Variants in GDPD4 observed in about 807,000 individuals in gnomAD.
The protein encoded by GDPD4 is glycerophosphodiester phosphodiesterase 6.
In GDPD4, 60 loss-of-function variants were observed where a neutral mutation model predicts 67.8. The observed-to-expected ratio is 0.88, with a 90% CI of 0.72 to 1.10. The LOEUF is 1.10. Ranked by LOEUF, GDPD4 falls within the 50% of genes least tolerant of loss-of-function variation. GDPD4 has a pLI of 0.00. For missense variants in GDPD4, 623 were observed against 613.9 expected (o/e 1.01, Z -0.16); for synonymous variants, 212 against 210.9 (o/e 1.00, Z -0.04).
chr11:77,230,168 C>T (rs940416768), intron 14 of GDPD4, among the ~76,000 whole-genome samples: 2 of 152,156 alleles, frequency 1.3e-5, no homozygotes. Flanking sequence ...AACTGAGGCT[C>T]TTAATCCCCT....
chr11:77,244,118 C>A (rs1958732095), intron 12 of GDPD4, among the ~76,000 whole-genome samples: 2 of 152,176 alleles, frequency 1.3e-5, no homozygotes, highest in South Asian at 2.1e-4. Context: ...CGGGTTCATA[C>A]CATTCTCCTG....
At chr11:77,296,926 C>T (rs996477936) in intron 1 of GDPD4, among the ~76,000 whole-genome samples, 14 of 151,064 alleles carry the variant, frequency 9.3e-5, no homozygotes, top group Admixed American at 9.2e-4. Context: ...TGGTGGTGTG[C>T]GCCTGTAGTC....
intron 10 of GDPD4, among the ~76,000 whole-genome samples, chr11:77,262,779 T>C (rs1959143647): frequency 7.4e-6 from 1 of 135,944 alleles, no homozygotes; most frequent in South Asian, 2.4e-4. Context: ...AGCCCCAAAC[T>C]CCTCAGGGAG....
At chr11:77,279,234 C>G (rs1959639423) in intron 4 of GDPD4, 72 bp downstream of exon 4, 3 of 942,724 alleles carry the variant, frequency 3.2e-6, no homozygotes, top group East Asian at 2.4e-5. Context: ...CAACTGGATA[C>G]TATACCACAG....
intron 10 of GDPD4, among the ~76,000 whole-genome samples, chr11:77,260,051 T>G (rs1423297690): frequency 6.6e-6 from 1 of 152,112 alleles, no homozygotes; most frequent in African/African-American, 2.4e-5. Context: ...CCAGGCGCGG[T>G]GGCTCACGCC....
intron 14 of GDPD4, among the ~76,000 whole-genome samples, chr11:77,229,890 T>G (rs1257315099): frequency 6.6e-6 from 1 of 152,202 alleles, no homozygotes; most frequent in Admixed American, 6.5e-5. Flanking sequence ...TCATTGAGTT[T>G]GATGCTCCCT....
In GDPD4 at chr11:77,245,379, A is replaced by G. The variant is rs1384479961; in HGVS notation, c.988T>C (p.Phe330Leu). The G allele has an allele frequency of 6.2e-7, 1 of 1,614,200 alleles. No individual in the cohort carries two copies. Among genetic ancestry groups the G allele is most frequent in the Admixed American group, 1.7e-5 (1 of 60,024 alleles). ...LAEKERKFVI[F>L]DLHRPPPKHP... ...TTTGGTGGAGGGCGATGAAGATCAA[A>G]TATCACAAATTTTCTTTCCTTCTCT... The change falls in exon 12 of 17, where the codon TTT (phenylalanine) becomes CTT (leucine). Residue 330 changes from phenylalanine to leucine, a missense_variant. By Grantham distance (22) the Phe-to-Leu change is conservative. Coordinates refer to ENST00000315938, the MANE Select transcript of GDPD4 (RefSeq NM_182833.3).
At chr11:77,263,356 CAT>C (rs1179625833) in intron 10 of GDPD4, among the ~76,000 whole-genome samples, 1 of 151,988 alleles carries the variant, frequency 6.6e-6, no homozygotes, top group African/African-American at 2.4e-5. Flanking sequence ...TGATAAAAGA[CAT>C]ATGCTTTACA....
intron 1 of GDPD4, among the ~76,000 whole-genome samples, chr11:77,299,805 G>A (rs929564712): frequency 6.6e-6 from 1 of 152,184 alleles, no homozygotes; most frequent in Non-Finnish European, 1.5e-5. Flanking sequence ...GTTGGTCACA[G>A]TAAAGTTACA....
At chr11:77,276,130 A>G in intron 5 of GDPD4, 31 bp downstream of exon 5, 2 of 1,562,408 alleles carry the variant, frequency 1.3e-6, no homozygotes, top group East Asian at 4.5e-5. Context: ...GTCCTGGTCT[A>G]AGGTTTCCTA....
chr11:77,230,178 T>C (rs1261643028), intron 14 of GDPD4, among the ~76,000 whole-genome samples: 1 of 152,110 alleles, frequency 6.6e-6, no homozygotes, highest in East Asian at 1.9e-4. Flanking sequence ...CTTAATCCCC[T>C]CTGGGAAAAA....
At chr11:77,301,252 TA>T (rs1328049593) in intron 1 of GDPD4, among the ~76,000 whole-genome samples, 2 of 152,220 alleles carry the variant, frequency 1.3e-5, no homozygotes, top group East Asian at 3.9e-4. Flanking sequence ...TTTTTCCCTC[TA>T]AAATCGATTC....
At position 77,245,280 on chromosome 11, in the gene GDPD4, C is replaced by T; in HGVS notation, c.1086+1G>A. On this transcript the variant is annotated splice_donor_variant, in intron 12 of 16. Coordinates refer to ENST00000315938, the MANE Select transcript of GDPD4 (RefSeq NM_182833.3). LOFTEE classifies it high-confidence loss of function. ...TGTCATAAATACTGAGATAGACTTA[C>T]CAGATGTTGCTCGATTTTAGAGGCA... 8.1e-6 allele frequency: 13 copies of T among 1,612,104 alleles called. No homozygotes were observed. Among genetic ancestry groups the T allele is most frequent in the Non-Finnish European group, 1.1e-5 (13 of 1,178,160 alleles).
chr11:77,241,431 G>A (rs1958662117), intron 13 of GDPD4, among the ~76,000 whole-genome samples: 1 of 152,010 alleles, frequency 6.6e-6, no homozygotes, highest in Non-Finnish European at 1.5e-5. Context: ...AGCACTTTGG[G>A]AGGTGGAGGT....
At chr11:77,245,968 CT>C (rs1443448872) in intron 11 of GDPD4, among the ~76,000 whole-genome samples, 2 of 152,194 alleles carry the variant, frequency 1.3e-5, no homozygotes. Context: ...TGCTATTTCC[CT>C]CATGAAGCTT....
chr11:77,217,564 CAG>C (rs1431428415), intron 16 of GDPD4, among the ~76,000 whole-genome samples: 14 of 152,192 alleles, frequency 9.2e-5, no homozygotes, highest in African/African-American at 3.1e-4. Context: ...CCTCAGAAAG[CAG>C]AGACTGACAT....
At chr11:77,275,972 A>C (rs1389748505) in intron 5 of GDPD4, among the ~76,000 whole-genome samples, 189 bp downstream of exon 5, 2 of 152,216 alleles carry the variant, frequency 1.3e-5, no homozygotes, top group Admixed American at 6.5e-5. Flanking sequence ...CTCCCTCCAT[A>C]AATCAGTTGC....
chr11:77,229,758 G>C (rs567664967), intron 14 of GDPD4, among the ~76,000 whole-genome samples: 33 of 152,320 alleles, frequency 2.2e-4, no homozygotes, highest in Non-Finnish European at 4.3e-4. Flanking sequence ...GGGAACCATT[G>C]TTCTAAAGTA....
chr11:77,220,212 C>CTGAT (rs1316494592), intron 16 of GDPD4, among the ~76,000 whole-genome samples: 3 of 152,212 alleles, frequency 2.0e-5, no homozygotes, highest in Non-Finnish European at 2.9e-5. Context: ...TTTCTCTTGC[C>CTGAT]TGATTGCCCT....
Sources: gnomAD v4.1 joint callset for allele counts (sites outside exome capture counted in the v4.1 genomes callset) on GRCh38, gnomAD v4.1.1 for gene constraint, MANE v1.5 for transcripts, NCBI Gene and HGNC (gene_info 2026-07-23, HGNC 2026-07-21) for gene names.